The following SORCS2 variants were observed in gnomAD, a reference collection of about 807,000 sequenced individuals.
SORCS2 encodes the protein sortilin related VPS10 domain containing receptor 2, also known as VPS10 domain-containing receptor SorCS2.
Under a neutral mutation model 141.6 loss-of-function variants are expected in SORCS2, and 100 were observed. The observed-to-expected ratio is 0.71, with a 90% confidence interval of 0.60 to 0.83. SORCS2 has a LOEUF of 0.83. SORCS2 is among the 40% of genes least tolerant of loss of function. SORCS2 has a pLI of 0.00. For synonymous variants in SORCS2, 789 were observed against 676.9 expected, an observed-to-expected ratio of 1.17 and a Z score of -2.57; for missense variants, 1,646 against 1,560.2, an observed-to-expected ratio of 1.05 and a Z score of -0.93.
rs397880294 is a variant in SORCS2, at chr4:7,314,800, G to GT, written c.481-81459dup. On this transcript the variant is annotated intron_variant, in intron 1 of 26. Transcript: ENST00000507866. The stretch of plus-strand genomic sequence containing the variant: ...CTCCCAGGAGCCTGCCCACTGTTCT[G>GT]TTTTTTTTTTTTTTTTTTTTTTTTT... Among the ~76,000 whole-genome samples, 225 of 109,788 alleles carry GT rather than the reference G, an allele frequency of 2.0e-3. 7 individuals carry two copies. The highest frequency in any genetic ancestry group is 3.6e-3 in the African/African-American group (108 of 29,804). 72.0% of individuals were successfully genotyped at this position (109,788 alleles called of 152,430 possible). A position where few individuals can be genotyped will look rare whatever the true frequency, so the allele number is the denominator to read the frequency against.
chr4:7,704,772 G>A (rs552221466), intron 14 of SORCS2, among the ~76,000 whole-genome samples: 3 of 152,304 alleles, frequency 2.0e-5, no homozygotes, highest in African/African-American at 7.2e-5. Flanking sequence ...AGGACAGTGG[G>A]GACATGCGGC....
At chr4:7,610,196 C>A (rs16840635) in intron 3 of SORCS2, among the ~76,000 whole-genome samples, 3,280 of 152,282 alleles carry the variant, frequency 0.022, 111 homozygotes, top group African/African-American at 0.075. Flanking sequence ...ATGCAATTAG[C>A]CGCGGTTGGA....
chr4:7,317,169 G>A (rs1560187623), intron 1 of SORCS2, among the ~76,000 whole-genome samples: 1 of 152,344 alleles, frequency 6.6e-6, no homozygotes, highest in East Asian at 1.9e-4. Context: ...TGTGCCTGGT[G>A]TAGTGTTGAA....
At chr4:7,588,517 G>A (rs1392987323) in intron 3 of SORCS2, among the ~76,000 whole-genome samples, 1 of 152,220 alleles carries the variant, frequency 6.6e-6, no homozygotes, top group Non-Finnish European at 1.5e-5. Flanking sequence ...ACCCAGTTTT[G>A]AATCTGCTGA....
rs184473305 is a variant in SORCS2, at chr4:7,729,359, G to T, written c.2983-228G>T. 6.0e-4 allele frequency among the ~76,000 whole-genome samples: 92 copies of T among 152,220 alleles called. No individual in the cohort carries two copies. In the South Asian group the frequency reaches 0.013, roughly 22 times the overall value. Reference sequence around the variant, plus strand: ...CTGGCCAAGGGGAGGCCAGTGTGACGGCACAGGTCCTGAATAGCAGGGCTG... The same window carrying T: ...CTGGCCAAGGGGAGGCCAGTGTGACTGCACAGGTCCTGAATAGCAGGGCTG... On this transcript the variant is annotated intron_variant, in intron 22 of 26. Coordinates refer to ENST00000507866, the MANE Select transcript of SORCS2 (RefSeq NM_020777.3).
intron 2 of SORCS2, among the ~76,000 whole-genome samples, chr4:7,516,451 C>T (rs1216105552): frequency 6.6e-6 from 1 of 152,118 alleles, no homozygotes; most frequent in Non-Finnish European, 1.5e-5. Context: ...CTGATTTGCA[C>T]CACGTGGGAG....
chr4:7,387,723 CAT>C (rs1462453834), intron 1 of SORCS2, among the ~76,000 whole-genome samples: 2 of 138,982 alleles, frequency 1.4e-5, no homozygotes, highest in African/African-American at 2.7e-5. Context: ...CATGCACACA[CAT>C]ACACATTTGC....
intron 1 of SORCS2, among the ~76,000 whole-genome samples, chr4:7,362,179 T>G (rs1229355617): frequency 6.6e-6 from 1 of 152,042 alleles, no homozygotes; most frequent in African/African-American, 2.4e-5. Flanking sequence ...AAGATGGGAT[T>G]TGAGGTGGGA....
chr4:7,667,045 A>G (rs1722546654), intron 7 of SORCS2, 79 bp from the exon 8 acceptor site: 1 of 1,266,850 alleles, frequency 7.9e-7, no homozygotes, highest in Non-Finnish European at 1.1e-6. Context: ...GCTGAATATA[A>G]CATGTAGTTT....
chr4:7,528,147 G>T (rs546321714), intron 2 of SORCS2, among the ~76,000 whole-genome samples: 1 of 152,212 alleles, frequency 6.6e-6, no homozygotes, highest in East Asian at 1.9e-4. Context: ...TCAGTGTAGT[G>T]ATGGGACACA....
intron 3 of SORCS2, among the ~76,000 whole-genome samples, chr4:7,592,233 C>T (rs186683471): frequency 2.3e-3 from 345 of 152,338 alleles, no homozygotes; most frequent in Non-Finnish European, 3.4e-3. Context: ...CTTTCATCCA[C>T]AGCTGCTGCT....
At chr4:7,261,223 C>T (rs187445358) in intron 1 of SORCS2, among the ~76,000 whole-genome samples, 17 of 152,276 alleles carry the variant, frequency 1.1e-4, no homozygotes, top group Admixed American at 5.9e-4. Flanking sequence ...GGCAGGCAGG[C>T]GTTTGATCCA....
chr4:7,586,055 G>T (rs932139408), intron 3 of SORCS2, among the ~76,000 whole-genome samples: 1 of 152,220 alleles, frequency 6.6e-6, no homozygotes, highest in African/African-American at 2.4e-5. Context: ...TCTTGGACAT[G>T]CTGAGCTGCC....
At chr4:7,611,998 C>T (rs1241362818) in intron 3 of SORCS2, among the ~76,000 whole-genome samples, 7 of 152,200 alleles carry the variant, frequency 4.6e-5, no homozygotes, top group Admixed American at 2.0e-4. Context: ...CCGTGGGTTC[C>T]GGTTTCATCT....
At chr4:7,556,988 C>T (rs571595890) in intron 3 of SORCS2, among the ~76,000 whole-genome samples, 6 of 150,410 alleles carry the variant, frequency 4.0e-5, no homozygotes, top group South Asian at 4.3e-4. Flanking sequence ...CCTGTCCATC[C>T]GTCCATCTAT....
At chr4:7,492,733 A>G (rs2109404904) in intron 2 of SORCS2, among the ~76,000 whole-genome samples, 1 of 152,350 alleles carries the variant, frequency 6.6e-6, no homozygotes, top group South Asian at 2.1e-4. Flanking sequence ...GGTTTTAAAA[A>G]TGTAAATGAA....
At chr4:7,264,673 C>T (rs1376608177) in intron 1 of SORCS2, among the ~76,000 whole-genome samples, 2 of 152,186 alleles carry the variant, frequency 1.3e-5, no homozygotes, top group Admixed American at 1.3e-4. Flanking sequence ...TCTTGCCGGC[C>T]CTGGGGCATT....
chr4:7,681,712 G>GA (rs1723538065), intron 9 of SORCS2, among the ~76,000 whole-genome samples: 1 of 152,230 alleles, frequency 6.6e-6, no homozygotes, highest in Non-Finnish European at 1.5e-5. Context: ...CTCCCCATAA[G>GA]GACCTGCTGG....
chr4:7,723,913 G>T (rs542658012), intron 19 of SORCS2, 30 bp downstream of exon 19: 2 of 1,568,490 alleles, frequency 1.3e-6, no homozygotes, highest in South Asian at 2.3e-5. Flanking sequence ...GAGGCCAAAG[G>T]TCACTCCCTT....
Sources: allele counts gnomAD v4.1 joint callset (sites outside exome capture counted in the v4.1 genomes callset), GRCh38; gene constraint gnomAD v4.1.1; transcripts MANE v1.5; gene names NCBI Gene and HGNC (gene_info 2026-07-23, HGNC 2026-07-21).